The following RHBDD1 variants were observed in gnomAD, a reference collection of about 807,000 sequenced individuals.
RHBDD1 encodes rhomboid-related protein 4.
RHBDD1 carries 38 observed loss-of-function variants against 36.3 expected under a neutral mutation model. The ratio of observed to expected loss-of-function variants is 1.05; its 90% confidence interval spans 0.81 to 1.37. The LOEUF (loss-of-function observed/expected upper bound fraction) is 1.37, where lower values mean the gene tolerates loss of function less well. RHBDD1 is among the 40% of genes most tolerant of loss of function. RHBDD1 has a pLI of 0.00. For missense variants in RHBDD1, 393 were observed against 377.6 expected, an observed-to-expected ratio of 1.04 and a Z score of -0.34; for synonymous variants, 151 against 136.5, an observed-to-expected ratio of 1.11 and a Z score of -0.74.
the RHBDD1 span, among the ~76,000 whole-genome samples, chr2:226,819,514 G>T: frequency 6.6e-6 from 1 of 152,118 alleles, no homozygotes; most frequent in African/African-American, 2.4e-5. Context: ...GTCAATGTAG[G>T]TTCATCAATT....
chr2:226,886,975 T>C (rs1257212113), intron 5 of RHBDD1, among the ~76,000 whole-genome samples: 1 of 152,048 alleles, frequency 6.6e-6, no homozygotes, highest in African/African-American at 2.4e-5. Flanking sequence ...AATTAATAAA[T>C]GAAGAGCTAT....
intron 8 of RHBDD1, among the ~76,000 whole-genome samples, chr2:226,968,033 G>A (rs1952781682): frequency 6.6e-6 from 1 of 152,084 alleles, no homozygotes; most frequent in Non-Finnish European, 1.5e-5. Context: ...CTCATAGGAG[G>A]GTGAAACACC....
intron 8 of RHBDD1, among the ~76,000 whole-genome samples, chr2:226,994,286 C>T (rs1057110654): frequency 6.6e-6 from 1 of 152,184 alleles, no homozygotes; most frequent in Non-Finnish European, 1.5e-5. Context: ...GTCAGGGGGT[C>T]CCCTACCATT....
intron 8 of RHBDD1, among the ~76,000 whole-genome samples, chr2:226,994,665 TC>T (rs1959015577): frequency 6.6e-6 from 1 of 152,214 alleles, no homozygotes; most frequent in East Asian, 1.9e-4. Context: ...TGAAGCTCTT[TC>T]ATTACCTTTA....
chr2:226,887,622 G>A lies in RHBDD1; in HGVS notation c.567-19171G>A, dbSNP rs567686217. Among the ~76,000 whole-genome samples, 3 of 152,378 alleles carry A rather than the reference G, an allele frequency of 2.0e-5. No individual in the cohort carries two copies. In the South Asian group the frequency reaches 6.2e-4, roughly 32 times the overall value. On this transcript the variant is annotated intron_variant, in intron 5 of 8. Transcript: ENST00000392062. ...CTTTAGGACTTGCTAATGAAAGACA[G>A]TGTGTACAGAATCTGCTTTTCTAGC...
At chr2:226,909,149 C>A (rs935023918) in intron 7 of RHBDD1, among the ~76,000 whole-genome samples, 1 of 152,026 alleles carries the variant, frequency 6.6e-6, no homozygotes, top group Non-Finnish European at 1.5e-5. Flanking sequence ...TGATAAGATT[C>A]ATATTAGACC....
intron 8 of RHBDD1, among the ~76,000 whole-genome samples, chr2:226,992,422 G>A (rs1220697928): frequency 6.6e-6 from 1 of 152,216 alleles, no homozygotes; most frequent in African/African-American, 2.4e-5. Flanking sequence ...AGAGTAAGAT[G>A]GCTTTTGTAT....
chr2:226,979,411 C>A (rs1224942081), intron 8 of RHBDD1, among the ~76,000 whole-genome samples: 1 of 152,166 alleles, frequency 6.6e-6, no homozygotes, highest in East Asian at 1.9e-4. Context: ...CCAATTGAAT[C>A]CCAGGTCACC....
chr2:226,946,518 A>G (rs1373733716), intron 8 of RHBDD1, among the ~76,000 whole-genome samples: 1 of 152,184 alleles, frequency 6.6e-6, no homozygotes, highest in African/African-American at 2.4e-5. Context: ...GGAGTTAGAG[A>G]CATGAAAACC....
chr2:226,812,063 C>G, the RHBDD1 span, among the ~76,000 whole-genome samples: 1 of 152,196 alleles, frequency 6.6e-6, no homozygotes, highest in Admixed American at 6.5e-5. Context: ...CCATACCCAC[C>G]TTTTAAATTT....
intron 3 of RHBDD1, among the ~76,000 whole-genome samples, chr2:226,852,516 T>C (rs1942906517): frequency 1.3e-5 from 2 of 151,980 alleles, no homozygotes; most frequent in Admixed American, 6.6e-5. Context: ...TTCTACCATG[T>C]GAGTATATAA....
chr2:226,819,514 G>C, the RHBDD1 span, among the ~76,000 whole-genome samples: 1 of 152,118 alleles, frequency 6.6e-6, no homozygotes, highest in Non-Finnish European at 1.5e-5. Flanking sequence ...GTCAATGTAG[G>C]TTCATCAATT....
chr2:226,971,738 T>G (rs1036421305), intron 8 of RHBDD1, among the ~76,000 whole-genome samples: 3 of 152,212 alleles, frequency 2.0e-5, no homozygotes, highest in African/African-American at 7.2e-5. Flanking sequence ...TTCTTTAGAA[T>G]ACTGGACATT....
chr2:226,959,625 A>C (rs920861327), intron 8 of RHBDD1, among the ~76,000 whole-genome samples: 1 of 152,232 alleles, frequency 6.6e-6, no homozygotes, highest in African/African-American at 2.4e-5. Context: ...TCCATTGTAC[A>C]GATATACCAT....
chr2:226,863,777 T>G (rs1944069034), intron 3 of RHBDD1, among the ~76,000 whole-genome samples: 1 of 152,174 alleles, frequency 6.6e-6, no homozygotes. Context: ...CACATTCTGT[T>G]AGCCAAAGCA....
At chr2:226,982,155 G>GT (rs1955918002) in intron 8 of RHBDD1, among the ~76,000 whole-genome samples, 1 of 152,246 alleles carries the variant, frequency 6.6e-6, no homozygotes. Flanking sequence ...TGGGCTGGGA[G>GT]GTTCCCAGTG....
intron 8 of RHBDD1, among the ~76,000 whole-genome samples, chr2:226,923,596 A>G (rs1255691756): frequency 1.3e-5 from 2 of 152,034 alleles, no homozygotes; most frequent in Non-Finnish European, 2.9e-5. Context: ...TATCCTTTTG[A>G]ATAAACTTTC....
chr2:226,891,953 G>A (rs1406246471), intron 5 of RHBDD1, among the ~76,000 whole-genome samples: 6 of 152,184 alleles, frequency 3.9e-5, no homozygotes, highest in Non-Finnish European at 7.3e-5. Flanking sequence ...CCTGTGCTCT[G>A]GCTGCCAGGA....
At chr2:226,811,226 G>A in the RHBDD1 span, among the ~76,000 whole-genome samples, 1 of 152,068 alleles carries the variant, frequency 6.6e-6, no homozygotes, top group African/African-American at 2.4e-5. Flanking sequence ...TCAGGACCAC[G>A]GAGAGCGCAA....
Sources: gnomAD v4.1 joint callset for allele counts (sites outside exome capture counted in the v4.1 genomes callset) on GRCh38, gnomAD v4.1.1 for gene constraint, MANE v1.5 for transcripts, NCBI Gene and HGNC (gene_info 2026-07-23, HGNC 2026-07-21) for gene names.